TSPAN8: variants seen among roughly 807,000 people sequenced by gnomAD.
TSPAN8 encodes tetraspanin-8.
Under a neutral mutation model 32.8 loss-of-function variants are expected in TSPAN8, and 21 were observed. That is an observed-to-expected ratio of 0.64 (90% CI 0.45 to 0.92). The LOEUF (loss-of-function observed/expected upper bound fraction) is 0.92, where lower values mean the gene tolerates loss of function less well. Among genes scored for constraint, TSPAN8 ranks in the 40% least tolerant of loss-of-function variants. The pLI is 0.00. For synonymous variants in TSPAN8, 95 were observed against 94.6 expected, an observed-to-expected ratio of 1.00 and a Z score of -0.03; for missense variants, 269 against 281.9, an observed-to-expected ratio of 0.95 and a Z score of 0.33.
intron 8 of TSPAN8, among the ~76,000 whole-genome samples, chr12:71,128,958 A>G (rs949976909): frequency 3.3e-5 from 5 of 151,884 alleles, no homozygotes; most frequent in Admixed American, 6.6e-5. Context: ...TAAAGGTCGT[A>G]TTTTGCTTTG....
intron 4 of TSPAN8, 42 bp from the exon 5 acceptor site, chr12:71,138,272 T>G: frequency 6.4e-7 from 1 of 1,568,376 alleles, no homozygotes; most frequent in Non-Finnish European, 8.8e-7. Flanking sequence ...CTCAGTGCAT[T>G]CAGTAACATC....
intron 8 of TSPAN8, among the ~76,000 whole-genome samples, chr12:71,126,879 T>G (rs1196540043): frequency 6.6e-6 from 1 of 151,982 alleles, no homozygotes; most frequent in African/African-American, 2.4e-5. Context: ...TAATGAGAAT[T>G]CCAAAAATGT....
intron 2 of TSPAN8, among the ~76,000 whole-genome samples, chr12:71,153,546 T>C (rs1012569902): frequency 6.6e-6 from 1 of 152,226 alleles, no homozygotes; most frequent in South Asian, 2.1e-4. Context: ...TTGCAAGTTA[T>C]ACCAGAAAGA....
chr12:71,135,444 GA>G (rs1871664736), intron 6 of TSPAN8, among the ~76,000 whole-genome samples: 1 of 149,152 alleles, frequency 6.7e-6, no homozygotes, highest in South Asian at 2.2e-4. Flanking sequence ...GGAAGAAAAA[GA>G]ATCAGCAGAA....
intron 7 of TSPAN8, among the ~76,000 whole-genome samples, 179 bp from the exon 8 acceptor site, chr12:71,129,593 G>C (rs1871455927): frequency 6.6e-6 from 1 of 152,108 alleles, no homozygotes; most frequent in Admixed American, 6.5e-5. Context: ...GGTTGTAACT[G>C]TTGTGGTTTG....
chr12:71,156,815 G>A (rs1189007177), intron 2 of TSPAN8: 1 of 152,232 alleles, frequency 6.6e-6, no homozygotes, highest in East Asian at 1.9e-4. Flanking sequence ...TCCACTGATT[G>A]ACATTTAAAC....
At chr12:71,131,327 T>C (rs1346368650) in intron 7 of TSPAN8, among the ~76,000 whole-genome samples, 1 of 152,110 alleles carries the variant, frequency 6.6e-6, no homozygotes, top group Non-Finnish European at 1.5e-5. Context: ...GTAGATTATT[T>C]ATTGAGTTAC....
intron 2 of TSPAN8, among the ~76,000 whole-genome samples, chr12:71,151,386 C>T (rs1872251525): frequency 6.6e-6 from 1 of 152,154 alleles, no homozygotes; most frequent in Admixed American, 6.5e-5. Context: ...CTAACAAGCA[C>T]TCAATATAAC....
chr12:71,153,188 C>T (rs546130369), intron 2 of TSPAN8, among the ~76,000 whole-genome samples: 7 of 152,196 alleles, frequency 4.6e-5, no homozygotes, highest in South Asian at 2.1e-4. Context: ...TAAGCATCTA[C>T]GATATTCCTA....
At chr12:71,149,563 G>A (rs1872181292) in intron 2 of TSPAN8, among the ~76,000 whole-genome samples, 1 of 152,216 alleles carries the variant, frequency 6.6e-6, no homozygotes, top group Admixed American at 6.5e-5. Flanking sequence ...ATTGTTGCAG[G>A]AAGTCAGGGA....
intron 6 of TSPAN8, among the ~76,000 whole-genome samples, chr12:71,136,379 C>T (rs1397558): frequency 0.071 from 10,796 of 152,254 alleles, 916 homozygotes; most frequent in East Asian, 0.26. Context: ...TTTAATATTT[C>T]ATTTGAGGGT....
intron 7 of TSPAN8, among the ~76,000 whole-genome samples, chr12:71,132,373 AAATAAAAGAGAAT>A (rs1565783009): frequency 6.6e-6 from 1 of 152,188 alleles, no homozygotes; most frequent in Non-Finnish European, 1.5e-5. Flanking sequence ...AAGTAGGAAA[AAATAAAAGAGAAT>A]AATGATTAAG....
At position 71,138,173 on chromosome 12, in the gene TSPAN8, C is replaced by T; in HGVS notation, c.319G>A (p.Ala107Thr). Reference protein sequence around the residue: ...LLQVATGILGAVFKSKSDRIV... With the variant: ...LLQVATGILGTVFKSKSDRIV... ...GCACACACCTTAGATTTGAAAACAG[C>T]TCCTAGGATACCTGTCGCCACCTGC... Residue 107 changes from alanine to threonine, a missense_variant, in exon 5 of 9, where the codon GCT becomes ACT. By Grantham distance (58) the Ala-to-Thr change is moderately conservative (BLOSUM62 0). Coordinates refer to ENST00000247829, the MANE Select transcript of TSPAN8 (RefSeq NM_004616.3). 6.2e-7 allele frequency: 1 copy of T among 1,613,842 alleles called. No homozygotes were observed. Among genetic ancestry groups the T allele is most frequent in the Non-Finnish European group, 8.5e-7 (1 of 1,179,884 alleles).
At chr12:71,156,269 C>CAAAAAAAAAAAAAAAAAAA (rs1287011627) in intron 2 of TSPAN8, among the ~76,000 whole-genome samples, 1 of 32,516 alleles carries the variant, frequency 3.1e-5, no homozygotes, top group African/African-American at 1.3e-4. Context: ...AAAAAAAAAA[C>CAAAAAAAAAAAAAAAAAAA]AAACAAAAAA....
chr12:71,137,290 A>T (rs938790010), intron 6 of TSPAN8, among the ~76,000 whole-genome samples: 1 of 151,786 alleles, frequency 6.6e-6, no homozygotes, highest in Non-Finnish European at 1.5e-5. Context: ...CAAAATAATT[A>T]ATTATTTTTT....
intron 2 of TSPAN8, among the ~76,000 whole-genome samples, chr12:71,152,322 C>G (rs1054840524): frequency 6.6e-6 from 1 of 152,186 alleles, no homozygotes; most frequent in Non-Finnish European, 1.5e-5. Context: ...TTATCATATT[C>G]TTGCTATCTT....
At chr12:71,157,039 A>G (rs553152623) in intron 2 of TSPAN8, 2 of 152,328 alleles carry the variant, frequency 1.3e-5, no homozygotes, top group South Asian at 2.1e-4. Flanking sequence ...TGACACATCA[A>G]AATACTGACT....
chr12:71,142,435 A>C (rs1222368563), intron 3 of TSPAN8, among the ~76,000 whole-genome samples: 2 of 152,200 alleles, frequency 1.3e-5, no homozygotes, highest in Non-Finnish European at 2.9e-5. Flanking sequence ...AGGAAGTAAA[A>C]TTAAAATAAA....
intron 8 of TSPAN8, among the ~76,000 whole-genome samples, chr12:71,126,852 G>A (rs964825505): frequency 2.0e-5 from 3 of 151,796 alleles, no homozygotes; most frequent in Non-Finnish European, 4.4e-5. Context: ...TGATAGTCTG[G>A]CTGTTTTAAG....
Sources: gnomAD v4.1 joint callset for allele counts (sites outside exome capture counted in the v4.1 genomes callset) on GRCh38, gnomAD v4.1.1 for gene constraint, MANE v1.5 for transcripts, NCBI Gene and HGNC (gene_info 2026-07-23, HGNC 2026-07-21) for gene names.